Variants in EYS observed in about 807,000 individuals in gnomAD.
EYS encodes EGF-like photoreceptor maintenance factor.
Under a neutral mutation model 282.1 loss-of-function variants are expected in EYS, and 250 were observed. That is an observed-to-expected ratio of 0.89 (90% CI 0.80 to 0.98). The LOEUF (loss-of-function observed/expected upper bound fraction) is 0.98, where lower values mean the gene tolerates loss of function less well. Among genes scored for constraint, EYS ranks in the 50% least tolerant of loss-of-function variants. EYS has a pLI of 0.00. For missense variants in EYS, 4,016 were observed against 3,709.0 expected, an observed-to-expected ratio of 1.08 and a Z score of -2.15; for synonymous variants, 1,355 against 1,282.9, an observed-to-expected ratio of 1.06 and a Z score of -1.20.
intron 22 of EYS, among the ~76,000 whole-genome samples, chr6:64,626,573 C>G (rs10944639): frequency 1.3e-5 from 2 of 152,112 alleles, no homozygotes; most frequent in South Asian, 4.1e-4. Flanking sequence ...GACAGAGACC[C>G]ACAGGGGAGA....
intron 35 of EYS, among the ~76,000 whole-genome samples, chr6:63,906,590 A>C (rs949616529): frequency 4.6e-5 from 7 of 152,164 alleles, no homozygotes; most frequent in Admixed American, 3.9e-4. Context: ...CTGTATTTGC[A>C]CCTTACTGAA....
chr6:65,055,891 A>G (rs963240069), intron 13 of EYS, among the ~76,000 whole-genome samples: 1 of 151,904 alleles, frequency 6.6e-6, no homozygotes, highest in East Asian at 1.9e-4. Flanking sequence ...CTCCACTGTA[A>G]AGCTGCTCTT....
intron 27 of EYS, among the ~76,000 whole-genome samples, chr6:64,437,170 T>G (rs924925978): frequency 1.3e-5 from 2 of 151,702 alleles, no homozygotes; most frequent in African/African-American, 2.4e-5. Context: ...CTTTAAAAAC[T>G]CCAATAAGAA....
chr6:64,488,871 T>A (rs1209378263), intron 26 of EYS, among the ~76,000 whole-genome samples: 1 of 150,940 alleles, frequency 6.6e-6, no homozygotes, highest in Admixed American at 6.6e-5. Flanking sequence ...CCAGAGTTGT[T>A]AGGAGAAGTA....
chr6:64,168,443 T>C (rs950621571), intron 31 of EYS, among the ~76,000 whole-genome samples: 1 of 152,238 alleles, frequency 6.6e-6, no homozygotes, highest in East Asian at 1.9e-4. Flanking sequence ...CTTCTACTCC[T>C]AGGTATCTAA....
At chr6:65,520,778 T>C (rs1463149681) in intron 2 of EYS, among the ~76,000 whole-genome samples, 3 of 152,096 alleles carry the variant, frequency 2.0e-5, no homozygotes, top group African/African-American at 7.2e-5. Context: ...AAGACCAGTG[T>C]CATTGTCTGC....
chr6:64,846,939 G>T (rs980351542), intron 19 of EYS, among the ~76,000 whole-genome samples: 2 of 152,098 alleles, frequency 1.3e-5, no homozygotes, highest in Non-Finnish European at 2.9e-5. Context: ...TTCTGGGTGT[G>T]TATGTGAAGG....
At chr6:64,757,655 G>C (rs968357828) in intron 22 of EYS, among the ~76,000 whole-genome samples, 15 of 151,268 alleles carry the variant, frequency 9.9e-5, no homozygotes, top group African/African-American at 3.4e-4. Flanking sequence ...TAAATAAGTG[G>C]GTTTTATGTC....
intron 34 of EYS, among the ~76,000 whole-genome samples, chr6:63,997,261 C>T (rs556342224): frequency 6.6e-6 from 1 of 152,180 alleles, no homozygotes; most frequent in Non-Finnish European, 1.5e-5. Flanking sequence ...CTTTCTCAGA[C>T]AAGATCCTGC....
intron 33 of EYS, among the ~76,000 whole-genome samples, chr6:64,036,580 C>T (rs1457861615): frequency 2.0e-5 from 3 of 152,042 alleles, no homozygotes; most frequent in South Asian, 2.1e-4. Context: ...ACAGACATCA[C>T]GCAGGTGAAC....
intron 12 of EYS, among the ~76,000 whole-genome samples, chr6:65,273,102 G>A (rs1306757402): frequency 6.6e-6 from 1 of 152,182 alleles, no homozygotes; most frequent in Non-Finnish European, 1.5e-5. Flanking sequence ...TCATAAGAGG[G>A]AGGGAGAAAG....
chr6:64,296,564 A>T (rs866476460), intron 30 of EYS, among the ~76,000 whole-genome samples: 6 of 6,122 alleles, frequency 9.8e-4, no homozygotes, highest in African/African-American at 4.8e-3. Flanking sequence ...ATATATATAT[A>T]TATATATATA....
chr6:64,655,716 C>A (rs1768721078), intron 22 of EYS, among the ~76,000 whole-genome samples: 1 of 151,758 alleles, frequency 6.6e-6, no homozygotes, highest in South Asian at 2.1e-4. Context: ...CATGGATAAG[C>A]AATTATTAAA....
chr6:65,570,391 T>C (rs1764437367), intron 2 of EYS, among the ~76,000 whole-genome samples: 2 of 152,332 alleles, frequency 1.3e-5, no homozygotes, highest in Admixed American at 6.5e-5. Flanking sequence ...TAGGACGTTT[T>C]TTGGGAACTC....
At chr6:65,327,126 A>G (rs940538419) in intron 11 of EYS, among the ~76,000 whole-genome samples, 11 of 151,698 alleles carry the variant, frequency 7.3e-5, no homozygotes, top group African/African-American at 2.7e-4. Flanking sequence ...GTCAACATAA[A>G]GCTAAATAAA....
At chr6:65,343,987 A>G (rs768469272) in intron 10 of EYS, 51 bp downstream of exon 10, 1 of 1,502,644 alleles carries the variant, frequency 6.7e-7, no homozygotes, top group Admixed American at 1.7e-5. Flanking sequence ...AAAATCAGAC[A>G]ATTACAAGCT....
intron 8 of EYS, among the ~76,000 whole-genome samples, chr6:65,381,462 G>A (rs1021673822): frequency 2.0e-5 from 3 of 151,894 alleles, no homozygotes; most frequent in African/African-American, 7.2e-5. Context: ...ACCGAGGCCT[G>A]TCGGGCAGAG....
At chr6:64,645,148 AG>A (rs1301827553) in intron 22 of EYS, among the ~76,000 whole-genome samples, 2 of 152,232 alleles carry the variant, frequency 1.3e-5, no homozygotes, top group African/African-American at 4.8e-5. Flanking sequence ...ACTAATAGAA[AG>A]TTTTAGGTAT....
At chr6:64,005,180 C>T (rs1768285051) in intron 33 of EYS, among the ~76,000 whole-genome samples, 1 of 152,156 alleles carries the variant, frequency 6.6e-6, no homozygotes, top group Non-Finnish European at 1.5e-5. Context: ...GATGGTATCT[C>T]CTTGTGGTTT....
Sources: gnomAD v4.1 joint callset for allele counts (sites outside exome capture counted in the v4.1 genomes callset) on GRCh38, gnomAD v4.1.1 for gene constraint, MANE v1.5 for transcripts, NCBI Gene and HGNC (gene_info 2026-07-23, HGNC 2026-07-21) for gene names.